Variants in SLC26A5 observed in about 807,000 individuals in gnomAD.
The protein encoded by SLC26A5 is prestin.
A neutral mutation model predicts 81.0 loss-of-function variants in SLC26A5; 51 were observed. The ratio of observed to expected loss-of-function variants is 0.63; its 90% CI spans 0.50 to 0.80. The LOEUF (loss-of-function observed/expected upper bound fraction) is 0.80, where lower values mean the gene tolerates loss of function less well. Among genes scored for constraint, SLC26A5 ranks in the 30% least tolerant of loss-of-function variants. The pLI is 0.00. For synonymous variants in SLC26A5, 325 were observed against 332.8 expected (o/e 0.98, Z 0.25); for missense variants, 771 against 905.8 (o/e 0.85, Z 1.91).
At chr7:103,364,958 C>CGTATATATATATATAT (rs1554575471) in intron 19 of SLC26A5, among the ~76,000 whole-genome samples, 1 of 125,502 alleles carries the variant, frequency 8.0e-6, no homozygotes, top group Non-Finnish European at 1.7e-5. Flanking sequence ...TGTAGACATA[C>CGTATATATATATATAT]ATATATATAT....
intron 12 of SLC26A5, among the ~76,000 whole-genome samples, chr7:103,389,800 G>A (rs1472933045): frequency 1.3e-5 from 2 of 151,990 alleles, no homozygotes; most frequent in African/African-American, 2.4e-5. Flanking sequence ...GTTAATTTTT[G>A]TATTTCTAGT....
At chr7:103,437,178 A>G (rs1183147903) in intron 2 of SLC26A5, among the ~76,000 whole-genome samples, 1 of 152,240 alleles carries the variant, frequency 6.6e-6, no homozygotes, top group Non-Finnish European at 1.5e-5. Flanking sequence ...AGGTACATGA[A>G]AAAATGTCCA....
At position 103,408,069 on chromosome 7, in the gene SLC26A5, T is replaced by A. The variant is rs182571229; in HGVS notation, c.736-66A>T. On this transcript the variant is annotated intron_variant, in intron 7 of 19. Coordinates refer to ENST00000306312, the MANE Select transcript of SLC26A5 (RefSeq NM_198999.3). ...GCCCCTGAGAGAGACAGAGACACTC[T>A]AGCGCACTAATTCACACCAGCCATT... 54 of 1,594,888 alleles carry A rather than the reference T, an allele frequency of 3.4e-5. No homozygotes were observed. In the Admixed American group the frequency reaches 9.0e-4, roughly 27 times the overall value.
intron 2 of SLC26A5, among the ~76,000 whole-genome samples, chr7:103,441,380 G>C (rs149734094): frequency 6.6e-5 from 10 of 152,158 alleles, no homozygotes. Context: ...AATTTAAGAA[G>C]AATTTTCCAA....
At chr7:103,413,159 G>C in intron 4 of SLC26A5, 47 bp from the exon 5 acceptor site, 1 of 1,246,098 alleles carries the variant, frequency 8.0e-7, no homozygotes, top group South Asian at 1.2e-5. Flanking sequence ...TTAGAAGACA[G>C]AGGTGTTACA....
chr7:103,386,465 G>T (rs1822205008), intron 14 of SLC26A5, among the ~76,000 whole-genome samples: 1 of 151,860 alleles, frequency 6.6e-6, no homozygotes, highest in South Asian at 2.1e-4. Flanking sequence ...TACTCAGGAG[G>T]CTGAGGCAGA....
At chr7:103,432,414 A>G (rs1365951511) in intron 2 of SLC26A5, among the ~76,000 whole-genome samples, 1 of 151,838 alleles carries the variant, frequency 6.6e-6, no homozygotes, top group Non-Finnish European at 1.5e-5. Flanking sequence ...ACAGCTTTTT[A>G]TCTCATTGGG....
At position 103,367,005 on chromosome 7, in the gene SLC26A5, A is replaced by G. The variant is rs192020752; in HGVS notation, c.2041+9803T>C. On this transcript the variant is annotated intron_variant, in intron 19 of 19. Transcript: ENST00000339444. The surrounding 1 kb of genome is among the most constrained non-coding windows in gnomAD (Gnocchi z 6.1). ...TTTTTAGTAGAGACGTGGTTTCACC[A>G]TGTTGGCCAGGCTGGTCTCGAACTC... Among the ~76,000 whole-genome samples, 33 of 152,240 alleles carry G rather than the reference A, an allele frequency of 2.2e-4. No individual in the cohort carries two copies. Among genetic ancestry groups the G allele is most frequent in the African/African-American group, 7.5e-4 (31 of 41,540 alleles).
chr7:103,383,342 G>T (rs1052644904), intron 14 of SLC26A5, among the ~76,000 whole-genome samples: 3 of 152,222 alleles, frequency 2.0e-5, no homozygotes, highest in African/African-American at 7.2e-5. Flanking sequence ...GAGCATTGTT[G>T]TGGGTACACA....
chr7:103,428,558 C>CT (rs10592922), intron 2 of SLC26A5, among the ~76,000 whole-genome samples: 3,045 of 118,046 alleles, frequency 0.026, 59 homozygotes, highest in Non-Finnish European at 0.036. Context: ...CCTGCCAGTA[C>CT]TTTTTTTTTT....
rs1821693017 is a variant in SLC26A5 at position 103,380,557 on chromosome 7, T to C, written c.1515-8A>G. 3.7e-6 allele frequency: 6 copies of C among 1,611,410 alleles called. No homozygotes were observed. The highest frequency in any genetic ancestry group is 5.1e-6 in the Non-Finnish European group (6 of 1,177,672). ...AGGACTTTGTAGCTTGGACTGAAGATAAAGAGTGTTAAATACCATTGTGTT... is the reference window on the plus strand; with the variant it reads ...AGGACTTTGTAGCTTGGACTGAAGACAAAGAGTGTTAAATACCATTGTGTT... On this transcript the variant is annotated splice_polypyrimidine_tract_variant and splice_region_variant and intron_variant, in intron 14 of 19. Transcript: ENST00000306312.
rs374841935 is a variant in SLC26A5, at chr7:103,363,335, C to T, written c.2042-10409G>A. 1.7e-5 allele frequency: 28 copies of T among 1,602,232 alleles called. No individual in the cohort carries two copies. In the East Asian group the frequency reaches 3.3e-4, roughly 19 times the overall value. ...GACTGTATGTTGTACATTTCTGTCC[C>T]TCTCTTAGGTGGAAGAGAAACCTGA... On this transcript the variant is annotated intron_variant, in intron 19 of 19. Transcript: ENST00000339444.
intron 14 of SLC26A5, among the ~76,000 whole-genome samples, chr7:103,384,358 A>G (rs1054439813): frequency 6.6e-6 from 1 of 151,882 alleles, no homozygotes; most frequent in African/African-American, 2.4e-5. Context: ...CATGCCTCTA[A>G]TCCCAGCACT....
intron 19 of SLC26A5, chr7:103,368,158 C>CTTT: frequency 9.9e-7 from 1 of 1,009,538 alleles, no homozygotes; most frequent in Non-Finnish European, 1.4e-6. Flanking sequence ...AAATTGTATG[C>CTTT]TTTTTTCCAT....
intron 11 of SLC26A5, among the ~76,000 whole-genome samples, chr7:103,390,866 T>C (rs1822585981): frequency 8.1e-6 from 1 of 123,844 alleles, no homozygotes; most frequent in Admixed American, 7.7e-5. Flanking sequence ...GGCCATTTAC[T>C]TTTTTTTTTT....
intron 8 of SLC26A5, among the ~76,000 whole-genome samples, chr7:103,401,127 A>C (rs2116568034): frequency 6.6e-6 from 1 of 152,332 alleles, no homozygotes; most frequent in Non-Finnish European, 1.5e-5. Context: ...TGGGGATAGC[A>C]TTGAATCTAT....
chr7:103,403,383 G>C (rs1328003293), intron 8 of SLC26A5, among the ~76,000 whole-genome samples: 1 of 152,142 alleles, frequency 6.6e-6, no homozygotes, highest in Non-Finnish European at 1.5e-5. Context: ...ATGTCTATTA[G>C]GTTTGCTTGG....
chr7:103,366,031 T>C, intron 19 of SLC26A5: 2 of 1,484,480 alleles, frequency 1.3e-6, no homozygotes, highest in Non-Finnish European at 1.9e-6. Flanking sequence ...TATTTTAAAA[T>C]ATTTTGAAAC....
chr7:103,404,248 GCC>G (rs1336576798), intron 8 of SLC26A5, among the ~76,000 whole-genome samples: 3 of 151,852 alleles, frequency 2.0e-5, no homozygotes, highest in Non-Finnish European at 4.4e-5. Context: ...TGGTTATTTT[GCC>G]CATTAGTTGA....
Sources: gnomAD v4.1 joint callset for allele counts (sites outside exome capture counted in the v4.1 genomes callset) on GRCh38, gnomAD v4.1.1 for gene constraint, Gnocchi (gnomAD v3.1) non-coding constraint, MANE v1.5 for transcripts, NCBI Gene and HGNC (gene_info 2026-07-23, HGNC 2026-07-21) for gene names.